TBL1X: variants seen among roughly 807,000 people sequenced by gnomAD.
The protein encoded by TBL1X is F-box-like/WD repeat-containing protein TBL1X.
Under a neutral mutation model 50.7 loss-of-function variants are expected in TBL1X, and 10 were observed. The observed-to-expected ratio is 0.20, with a 90% confidence interval of 0.12 to 0.33. TBL1X has a LOEUF of 0.33. Among genes scored for constraint, TBL1X ranks in the 10% least tolerant of loss-of-function variants. TBL1X has a pLI of 1.00. For synonymous variants in TBL1X, 190 were observed against 214.7 expected (o/e 0.88, Z 1.01); for missense variants, 340 against 504.4 (o/e 0.67, Z 3.12).
chrX:9,617,053 T>G (rs1322081654), intron 2 of TBL1X, among the ~76,000 whole-genome samples: 1 of 112,029 alleles, frequency 8.9e-6, no homozygotes, highest in Non-Finnish European at 1.9e-5. Context: ...GTTCACTAGT[T>G]GGAGCCTTGG....
intron 6 of TBL1X, among the ~76,000 whole-genome samples, chrX:9,686,614 G>A (rs1014129045): frequency 8.9e-6 from 1 of 112,662 alleles, no homozygotes; most frequent in African/African-American, 3.2e-5. Context: ...AGGAAGATCA[G>A]TTTGGTCCAG....
At position 9,665,488 on chromosome X, in the gene TBL1X, GCTATAT is replaced by G. The variant is rs1222983132; in HGVS notation, c.211+11167_211+11172del. Among the ~76,000 whole-genome samples the G allele has an allele frequency of 9.3e-4, 14 of 15,063 alleles. 2 individuals are homozygous for G. The highest frequency in any genetic ancestry group is 5.8e-3 in the East Asian group (2 of 347). The allele number at this position is 15,063 out of a possible 115,157, so 13.1% of individuals were successfully genotyped here. On this transcript the variant is annotated intron_variant, in intron 5 of 17. Transcript: ENST00000645353. Reference sequence around the variant, plus strand: ...AACTTAATTAAAAACTGATATTCAAGCTATATATATATATATATATATATATATATA... The same window carrying G: ...AACTTAATTAAAAACTGATATTCAAGATATATATATATATATATATATATA...
At chrX:9,479,477 A>T (rs2081867824) in intron 1 of TBL1X, among the ~76,000 whole-genome samples, 1 of 112,660 alleles carries the variant, frequency 8.9e-6, no homozygotes, top group African/African-American at 3.2e-5. Flanking sequence ...TGGCTTAAAG[A>T]AAAATAAGCA....
chrX:9,572,513 TTGA>T (rs1301673193), intron 2 of TBL1X, among the ~76,000 whole-genome samples: 5 of 113,124 alleles, frequency 4.4e-5, no homozygotes, highest in African/African-American at 9.6e-5. Flanking sequence ...GTGAAAACTC[TTGA>T]TGATTCTGAA....
At chrX:9,590,569 C>T (rs1479526982) in intron 2 of TBL1X, among the ~76,000 whole-genome samples, 1 of 112,119 alleles carries the variant, frequency 8.9e-6, no homozygotes, top group Admixed American at 9.4e-5. Context: ...AACAAAATAT[C>T]ATGAAGTCAG....
At chrX:9,696,061 T>C (rs1339777114) in intron 11 of TBL1X, among the ~76,000 whole-genome samples, 1 of 112,176 alleles carries the variant, frequency 8.9e-6, no homozygotes, top group East Asian at 2.8e-4. Context: ...CAACACAGAG[T>C]GACTAAAATA....
intron 9 of TBL1X, 105 bp downstream of exon 9, chrX:9,692,359 TC>T (rs1321912518): frequency 9.9e-7 from 1 of 1,007,248 alleles, no homozygotes; most frequent in Non-Finnish European, 1.3e-6. Flanking sequence ...AGGCAGGTGG[TC>T]CTGTGTGCTC....
At chrX:9,485,180 G>T (rs2081904811) in intron 1 of TBL1X, among the ~76,000 whole-genome samples, 1 of 111,813 alleles carries the variant, frequency 8.9e-6, no homozygotes, top group African/African-American at 3.3e-5. Flanking sequence ...TTAGGGGCTG[G>T]GTTAAGACTC....
chrX:9,504,043 G>A (rs765541675), intron 2 of TBL1X, among the ~76,000 whole-genome samples: 1 of 111,857 alleles, frequency 8.9e-6, no homozygotes, highest in Non-Finnish European at 1.9e-5. Context: ...ACTGGCATCA[G>A]GTTGGTGCCC....
chrX:9,477,523 C>T (rs192293497), intron 1 of TBL1X, among the ~76,000 whole-genome samples: 205 of 112,011 alleles, frequency 1.8e-3, no homozygotes, highest in Middle Eastern at 0.014. Flanking sequence ...CACTCATCCC[C>T]TTTGCAAGCT....
intron 6 of TBL1X, among the ~76,000 whole-genome samples, chrX:9,684,884 G>C (rs2083048250): frequency 1.8e-5 from 2 of 112,329 alleles, no homozygotes; most frequent in Admixed American, 1.9e-4. Context: ...TCTGGAGCAG[G>C]TTGGTTAGAG....
intron 2 of TBL1X, among the ~76,000 whole-genome samples, chrX:9,511,692 A>G (rs1449761831): frequency 2.7e-5 from 3 of 112,303 alleles, no homozygotes; most frequent in Non-Finnish European, 5.6e-5. Context: ...TGAATTGTGT[A>G]GTGGAATTGT....
chrX:9,580,067 T>C (rs1667922574), intron 2 of TBL1X, among the ~76,000 whole-genome samples: 1 of 112,504 alleles, frequency 8.9e-6, no homozygotes, highest in African/African-American at 3.2e-5. Context: ...CCATGGCCTG[T>C]GACACAGCCC....
At chrX:9,477,178 T>C (rs933989266) in intron 1 of TBL1X, among the ~76,000 whole-genome samples, 1 of 112,227 alleles carries the variant, frequency 8.9e-6, no homozygotes, top group Non-Finnish European at 1.9e-5. Context: ...CTTTCCTTTC[T>C]AATATGTGTC....
intron 2 of TBL1X, among the ~76,000 whole-genome samples, chrX:9,544,867 C>T (rs1374097888): frequency 9.0e-6 from 1 of 111,450 alleles, no homozygotes; most frequent in Non-Finnish European, 1.9e-5. Context: ...CACCCAGCCT[C>T]AATATTTATT....
At chrX:9,629,974 GC>G (rs746806271) in intron 2 of TBL1X, among the ~76,000 whole-genome samples, 2 of 111,096 alleles carry the variant, frequency 1.8e-5, no homozygotes, top group Non-Finnish European at 3.8e-5. Flanking sequence ...CACTTCCTTG[GC>G]TCTAGTATGT....
In TBL1X at chrX:9,465,403, G is replaced by C. The variant is rs1268641114; in HGVS notation, c.-245G>C. ...CCGGCTGGAGGGAGGTTCGGAGCGCGGCCGGGCGCGCGGCGCCGCCACAAG... is the reference window on the plus strand; with the variant it reads ...CCGGCTGGAGGGAGGTTCGGAGCGCCGCCGGGCGCGCGGCGCCGCCACAAG... On this transcript the variant is annotated 5_prime_UTR_variant, in exon 1 of 18. Coordinates refer to ENST00000645353, the MANE Select transcript of TBL1X (RefSeq NM_005647.4). 9 of 110,299 alleles carry C rather than the reference G, an allele frequency of 8.2e-5. No homozygotes were observed. Among genetic ancestry groups the C allele is most frequent in the African/African-American group, 3.3e-5 (1 of 30,695 alleles). The allele number at this position is 110,299 out of a possible 1,213,427, so 9.1% of individuals were successfully genotyped here. A position where few individuals can be genotyped will look rare whatever the true frequency, so the allele number is the denominator to read the frequency against.
At chrX:9,685,492 T>C (rs2083052209) in intron 6 of TBL1X, among the ~76,000 whole-genome samples, 1 of 110,128 alleles carries the variant, frequency 9.1e-6, no homozygotes, top group African/African-American at 3.3e-5. Context: ...CTTCTCTTTC[T>C]CCTACTCTGA....
At chrX:9,618,000 C>T (rs1163518621) in intron 2 of TBL1X, among the ~76,000 whole-genome samples, 6 of 111,245 alleles carry the variant, frequency 5.4e-5, no homozygotes, top group Non-Finnish European at 9.4e-5. Flanking sequence ...CCAGTAGCAC[C>T]GCCTCCCCCA....
Sources: gnomAD v4.1 joint callset for allele counts (sites outside exome capture counted in the v4.1 genomes callset) on GRCh38, gnomAD v4.1.1 for gene constraint, MANE v1.5 for transcripts, NCBI Gene and HGNC (gene_info 2026-07-23, HGNC 2026-07-21) for gene names.